Variants in IGF1R observed in about 807,000 individuals in gnomAD.
IGF1R encodes the protein insulin-like growth factor 1 receptor.
In IGF1R, 44 loss-of-function variants were observed where a neutral mutation model predicts 144.6. The observed-to-expected ratio is 0.30, with a 90% CI of 0.24 to 0.39. The LOEUF is 0.39. Among genes scored for constraint, IGF1R ranks in the 10% least tolerant of loss-of-function variants. The pLI, the probability that IGF1R is intolerant of heterozygous loss-of-function variation, is 1.00. For missense variants in IGF1R, 1,355 were observed against 1,833.7 expected, an observed-to-expected ratio of 0.74 and a Z score of 4.77; for synonymous variants, 795 against 722.8, an observed-to-expected ratio of 1.10 and a Z score of -1.60.
At chr15:98,765,308 C>CTTTTTTTTTTTTTTTTTTTTTTTTTT (rs139280569) in intron 2 of IGF1R, among the ~76,000 whole-genome samples, 1 of 61,824 alleles carries the variant, frequency 1.6e-5, no homozygotes, top group African/African-American at 6.7e-5. Context: ...ATGCCAACAC[C>CTTTTTTTTTTTTTTTTTTTTTTTTTT]TTTTTTTTTT....
chr15:98,739,477 A>G (rs2054687943), intron 2 of IGF1R, among the ~76,000 whole-genome samples: 1 of 152,134 alleles, frequency 6.6e-6, no homozygotes, highest in South Asian at 2.1e-4. Flanking sequence ...ATGTCTTTTG[A>G]TACCAAATCA....
chr15:98,843,970 G>C (rs914466324), intron 2 of IGF1R, among the ~76,000 whole-genome samples: 1 of 152,122 alleles, frequency 6.6e-6, no homozygotes, highest in Non-Finnish European at 1.5e-5. Flanking sequence ...TTGTTTGTTT[G>C]TTTTCAGAGC....
At chr15:98,922,463 C>T (rs2015530435) in intron 11 of IGF1R, 32 bp downstream of exon 11, 2 of 1,601,584 alleles carry the variant, frequency 1.2e-6, no homozygotes, top group African/African-American at 2.7e-5. Context: ...CCCATTGCCA[C>T]CTTCCTCACA....
At chr15:98,728,011 T>TTTTG (rs904501585) in intron 2 of IGF1R, among the ~76,000 whole-genome samples, 2 of 149,804 alleles carry the variant, frequency 1.3e-5, no homozygotes, top group African/African-American at 4.9e-5. Context: ...TGCATTGTTT[T>TTTTG]TTTTTTTTTT....
intron 4 of IGF1R, 59 bp downstream of exon 4, chr15:98,896,964 C>G: frequency 6.5e-7 from 1 of 1,542,856 alleles, no homozygotes; most frequent in Non-Finnish European, 8.9e-7. Context: ...TTTGTTGATG[C>G]TTTTCATGCT....
chr15:98,871,716 A>G (rs1446171889), intron 2 of IGF1R, among the ~76,000 whole-genome samples: 1 of 152,182 alleles, frequency 6.6e-6, no homozygotes, highest in Non-Finnish European at 1.5e-5. Context: ...AAACCATCAG[A>G]TCTTGTGAGA....
At chr15:98,671,723 C>T (rs1320977000) in intron 1 of IGF1R, among the ~76,000 whole-genome samples, 1 of 152,182 alleles carries the variant, frequency 6.6e-6, no homozygotes, top group African/African-American at 2.4e-5. Context: ...TTCATAGCTT[C>T]CAGGATTTGT....
Position 98,959,308 on chromosome 15 carries a change from A to G in IGF1R, c.*1866A>G, listed in dbSNP as rs2017132910. ...ATTTAATCCTTCCATCCCACGAAAAACAGCTGCTGAGTCCAAGGGAGCAGC... is the reference window on the plus strand; with the variant it reads ...ATTTAATCCTTCCATCCCACGAAAAGCAGCTGCTGAGTCCAAGGGAGCAGC... On this transcript the variant is annotated 3_prime_UTR_variant, in exon 21 of 21. Transcript: ENST00000650285. 1 of 233,506 alleles carries G rather than the reference A, an allele frequency of 4.3e-6. No homozygotes were observed. The highest frequency in any genetic ancestry group is 8.5e-6 in the Non-Finnish European group (1 of 117,998). 14.5% of individuals were successfully genotyped at this position (233,506 alleles called of 1,614,324 possible).
chr15:98,800,146 T>C (rs185170728), intron 2 of IGF1R, among the ~76,000 whole-genome samples: 115 of 152,246 alleles, frequency 7.6e-4, no homozygotes, highest in African/African-American at 2.7e-3. Flanking sequence ...ACAGAGCTTG[T>C]TGAGTTGCAC....
chr15:98,821,195 C>T (rs555187116), intron 2 of IGF1R, among the ~76,000 whole-genome samples: 1 of 152,228 alleles, frequency 6.6e-6, no homozygotes, highest in Admixed American at 6.5e-5. Context: ...GTGTGAGACG[C>T]GCTACATTGC....
At chr15:98,919,688 T>C (rs766218798) in intron 10 of IGF1R, among the ~76,000 whole-genome samples, 7 of 152,234 alleles carry the variant, frequency 4.6e-5, no homozygotes, top group Non-Finnish European at 8.8e-5. Flanking sequence ...TTCTCTGTTT[T>C]CATGGATGTA....
At chr15:98,740,098 A>G (rs2054704358) in intron 2 of IGF1R, among the ~76,000 whole-genome samples, 1 of 152,352 alleles carries the variant, frequency 6.6e-6, no homozygotes, top group East Asian at 1.9e-4. Flanking sequence ...GCCATTTTCT[A>G]CTTAAAATAC....
intron 2 of IGF1R, among the ~76,000 whole-genome samples, chr15:98,857,924 A>G (rs1161496753): frequency 6.6e-6 from 1 of 152,216 alleles, no homozygotes; most frequent in East Asian, 1.9e-4. Flanking sequence ...TAAAAAATGC[A>G]ACACAACCAG....
At chr15:98,693,674 C>T (rs571206723) in intron 1 of IGF1R, among the ~76,000 whole-genome samples, 1 of 152,308 alleles carries the variant, frequency 6.6e-6, no homozygotes, top group East Asian at 1.9e-4. Context: ...GGCATGATCT[C>T]GGCTAACTGC....
chr15:98,651,762 G>A (rs2052373822), intron 1 of IGF1R, among the ~76,000 whole-genome samples: 1 of 152,150 alleles, frequency 6.6e-6, no homozygotes, highest in Non-Finnish European at 1.5e-5. Flanking sequence ...TTCCCCCCAG[G>A]ATCCCTTTAC....
intron 2 of IGF1R, among the ~76,000 whole-genome samples, chr15:98,800,526 T>C (rs988067677): frequency 1.3e-5 from 2 of 150,922 alleles, no homozygotes; most frequent in Admixed American, 6.6e-5. Flanking sequence ...TGTCAGGGAG[T>C]GAAAGATACG....
intron 10 of IGF1R, among the ~76,000 whole-genome samples, chr15:98,917,904 A>T (rs1406388490): frequency 6.6e-6 from 1 of 152,202 alleles, no homozygotes; most frequent in African/African-American, 2.4e-5. Flanking sequence ...AAATTTTTGG[A>T]AATAGATAAT....
intron 6 of IGF1R, among the ~76,000 whole-genome samples, chr15:98,910,922 TAAG>T (rs1375689543): frequency 2.0e-5 from 3 of 152,206 alleles, no homozygotes; most frequent in African/African-American, 7.2e-5. Context: ...TCGTCTCTCT[TAAG>T]AAGTTTCAGG....
At chr15:98,857,772 A>C (rs1281374916) in intron 2 of IGF1R, among the ~76,000 whole-genome samples, 1 of 152,224 alleles carries the variant, frequency 6.6e-6, no homozygotes, top group Admixed American at 6.5e-5. Context: ...GCTACTGGAC[A>C]TCACAGATCT....
Sources: allele counts gnomAD v4.1 joint callset (sites outside exome capture counted in the v4.1 genomes callset), GRCh38; gene constraint gnomAD v4.1.1; transcripts MANE v1.5; gene names NCBI Gene and HGNC (gene_info 2026-07-23, HGNC 2026-07-21).